The following SCAF8 variants were observed in gnomAD, a reference collection of about 807,000 sequenced individuals.
The protein encoded by SCAF8 is SR-related and CTD-associated factor 8.
Under a neutral mutation model 140.5 loss-of-function variants are expected in SCAF8, and 23 were observed. The ratio of observed to expected loss-of-function variants is 0.16; its 90% confidence interval spans 0.12 to 0.23. The LOEUF is 0.23. Among genes scored for constraint, SCAF8 ranks in the 10% least tolerant of loss-of-function variants. SCAF8 has a pLI of 1.00. For synonymous variants in SCAF8, 575 were observed against 528.9 expected, an observed-to-expected ratio of 1.09 and a Z score of -1.20; for missense variants, 1,397 against 1,555.7, an observed-to-expected ratio of 0.90 and a Z score of 1.72.
intron 1 of SCAF8, 77 bp downstream of exon 1, chr6:154,734,007 G>A (rs1778338638): frequency 6.9e-7 from 1 of 1,440,676 alleles, no homozygotes; most frequent in Non-Finnish European, 9.1e-7. Context: ...CCCGGAGGGT[G>A]GGCGCGGGCC....
intron 1 of SCAF8, among the ~76,000 whole-genome samples, chr6:154,751,805 G>C (rs1778844211): frequency 6.6e-6 from 1 of 152,162 alleles, no homozygotes; most frequent in Non-Finnish European, 1.5e-5. Context: ...AATATTTCAT[G>C]TTAACTCTGG....
At chr6:154,758,407 A>G (rs957467127) in intron 1 of SCAF8, among the ~76,000 whole-genome samples, 13 of 152,174 alleles carry the variant, frequency 8.5e-5, no homozygotes, top group African/African-American at 2.9e-4. Context: ...TGCGCACAGC[A>G]TACTTTCCAC....
At chr6:154,778,252 T>C (rs895959494) in intron 3 of SCAF8, among the ~76,000 whole-genome samples, 1 of 152,214 alleles carries the variant, frequency 6.6e-6, no homozygotes, top group Non-Finnish European at 1.5e-5. Flanking sequence ...TTCATGTGCC[T>C]AAATGTAAGC....
At chr6:154,793,264 T>C (rs896715765) in intron 5 of SCAF8, among the ~76,000 whole-genome samples, 1 of 152,158 alleles carries the variant, frequency 6.6e-6, no homozygotes, top group Non-Finnish European at 1.5e-5. Flanking sequence ...CTGTAACTTC[T>C]TATACTTGCA....
chr6:154,795,839 A>G (rs1447919843), intron 6 of SCAF8, among the ~76,000 whole-genome samples: 1 of 152,202 alleles, frequency 6.6e-6, no homozygotes, highest in Non-Finnish European at 1.5e-5. Flanking sequence ...CATTGTATCT[A>G]TACATATACT....
rs1562449845 is a variant in SCAF8, at chr6:154,794,779, G to GT, written c.476-230_476-229insT. ...TTTGGTGGGGGGGGGGGGGTGTGGGGGGTGTGTGTGTGTGTGTGTGTGTGT... is the reference window on the plus strand; with the variant it reads ...TTTGGTGGGGGGGGGGGGGTGTGGGGTGGTGTGTGTGTGTGTGTGTGTGTGT... On this transcript the variant is annotated intron_variant, in intron 5 of 19. Transcript: ENST00000367178. Among the ~76,000 whole-genome samples the GT allele has an allele frequency of 2.5e-3, 66 of 26,368 alleles. 1 individual carries two copies. Among genetic ancestry groups the GT allele is most frequent in the African/African-American group, 6.1e-3 (34 of 5,600 alleles). The allele number at this position is 26,368 out of a possible 152,430, so 17.3% of individuals were successfully genotyped here.
At chr6:154,763,498 C>T (rs1776464342) in intron 1 of SCAF8, among the ~76,000 whole-genome samples, 1 of 152,128 alleles carries the variant, frequency 6.6e-6, no homozygotes, top group African/African-American at 2.4e-5. Flanking sequence ...TGATGGTTCT[C>T]TGGGATGTAA....
intron 4 of SCAF8, among the ~76,000 whole-genome samples, chr6:154,790,393 A>G (rs961861620): frequency 4.6e-5 from 7 of 151,990 alleles, no homozygotes. Flanking sequence ...TAGTTTAAAA[A>G]TATGTCAGTG....
Position 154,784,140 on chromosome 6 carries a change from TA to T in SCAF8, c.160-3720del, listed in dbSNP as rs1562444136. Among the ~76,000 whole-genome samples, 360 of 88,434 alleles carry T rather than the reference TA, an allele frequency of 4.1e-3. 6 individuals are homozygous for T. The highest frequency in any genetic ancestry group is 0.015 in the African/African-American group (290 of 18,958). The allele number at this position is 88,434 out of a possible 152,430, so 58.0% of individuals were successfully genotyped here. A position where few individuals can be genotyped will look rare whatever the true frequency, so the allele number is the denominator to read the frequency against. ...CTTGAGATATATATATATATATATA[TA>T]TATATATATATATATATTTATTTAT... On this transcript the variant is annotated intron_variant, in intron 3 of 19. Transcript: ENST00000367178.
intron 9 of SCAF8, among the ~76,000 whole-genome samples, chr6:154,806,147 A>G (rs1344521485): frequency 6.6e-6 from 1 of 152,236 alleles, no homozygotes; most frequent in Admixed American, 6.5e-5. Flanking sequence ...TAAAACATCG[A>G]TAACTAAATG....
intron 1 of SCAF8, among the ~76,000 whole-genome samples, chr6:154,738,696 C>T (rs771817833): frequency 3.9e-5 from 6 of 152,120 alleles, no homozygotes; most frequent in African/African-American, 7.2e-5. Flanking sequence ...AAGATGGTGG[C>T]GCTTGTAATG....
intron 4 of SCAF8, among the ~76,000 whole-genome samples, chr6:154,788,373 TCTC>T (rs1203988837): frequency 1.3e-5 from 2 of 152,146 alleles, no homozygotes; most frequent in Non-Finnish European, 2.9e-5. Flanking sequence ...AATGATGAAA[TCTC>T]CTAATGACGC....
intron 1 of SCAF8, 66 bp from the exon 2 acceptor site, chr6:154,773,923 G>GTT: frequency 1.0e-6 from 1 of 972,862 alleles, no homozygotes; most frequent in Non-Finnish European, 1.6e-6. Context: ...AAATGAACAT[G>GTT]TTTGGTAGTT....
chr6:154,796,327 TATA>T (rs1356025137), intron 6 of SCAF8, among the ~76,000 whole-genome samples: 3 of 148,534 alleles, frequency 2.0e-5, no homozygotes, highest in Non-Finnish European at 4.4e-5. Flanking sequence ...TAGACTTCAT[TATA>T]ATGATTCAGC....
In SCAF8 at chr6:154,733,501, G is replaced by C. The variant is rs549323134; in HGVS notation, c.-400G>C. 7.6e-7 allele frequency: 1 copy of C among 1,320,632 alleles called. No homozygotes were observed. The highest frequency in any genetic ancestry group is 3.1e-5 in the East Asian group (1 of 32,306). 81.8% of individuals were successfully genotyped at this position (1,320,632 alleles called of 1,614,324 possible). A position where few individuals can be genotyped will look rare whatever the true frequency, so the allele number is the denominator to read the frequency against. ...TGGTTCCTGCGGCCCGAGCGGCGGG[G>C]AGGTGAAACAGGAGCCCGTCGGAGG... is the stretch of plus-strand genomic sequence containing the variant. On this transcript the variant is annotated 5_prime_UTR_variant, in exon 1 of 20. Coordinates refer to ENST00000367178, the MANE Select transcript of SCAF8 (RefSeq NM_014892.5).
At chr6:154,790,870 C>A (rs2114875962) in intron 4 of SCAF8, among the ~76,000 whole-genome samples, 1 of 152,048 alleles carries the variant, frequency 6.6e-6, no homozygotes, top group Admixed American at 6.5e-5. Context: ...TAAGTGGCAT[C>A]ACGATAGTAG....
chr6:154,747,701 A>G (rs901635179), intron 1 of SCAF8, among the ~76,000 whole-genome samples: 2 of 152,174 alleles, frequency 1.3e-5, no homozygotes, highest in Non-Finnish European at 2.9e-5. Flanking sequence ...TAAAGGCCTT[A>G]TAGTGCTTAT....
intron 1 of SCAF8, among the ~76,000 whole-genome samples, chr6:154,740,075 TGTCA>T (rs1440213504): frequency 6.6e-6 from 1 of 152,232 alleles, no homozygotes; most frequent in Non-Finnish European, 1.5e-5. Flanking sequence ...TGGTTAATTC[TGTCA>T]GTCAGGCTAT....
In SCAF8 at chr6:154,742,076, G is replaced by A. The variant is rs9397742; in HGVS notation, c.30+8146G>A. On this transcript the variant is annotated intron_variant, in intron 1 of 19. Transcript: ENST00000367178. ...CTTTGGAATATGTTAGGTTTCAATT[G>A]GTAGTGGAATAGTGTATTTGATTAT... The A allele has an allele frequency of 0.019, 21,208 of 1,145,112 alleles. 1,384 individuals carry two copies. In the African/African-American group the frequency reaches 0.2, roughly 11 times the overall value. 70.9% of individuals were successfully genotyped at this position (1,145,112 alleles called of 1,614,324 possible). A position where few individuals can be genotyped will look rare whatever the true frequency, so the allele number is the denominator to read the frequency against.
Sources: gnomAD v4.1 joint callset for allele counts (sites outside exome capture counted in the v4.1 genomes callset) on GRCh38, gnomAD v4.1.1 for gene constraint, MANE v1.5 for transcripts, NCBI Gene and HGNC (gene_info 2026-07-23, HGNC 2026-07-21) for gene names.